The following CADM2 variants were observed in gnomAD, a reference collection of about 807,000 sequenced individuals.
CADM2 encodes cell adhesion molecule 2, also known as immunoglobulin superfamily member 4D.
Under a neutral mutation model 49.8 loss-of-function variants are expected in CADM2, and 12 were observed. That is an observed-to-expected ratio of 0.24 (90% confidence interval 0.15 to 0.39). CADM2 has a LOEUF of 0.39. Ranked by LOEUF, CADM2 falls within the 10% of genes least tolerant of loss-of-function variation. The probability of loss-of-function intolerance (pLI) is 1.00; values close to 1 mark genes in which losing one functional copy is unlikely to be tolerated. For synonymous variants in CADM2, 214 were observed against 175.4 expected (o/e 1.22, Z -1.74); for missense variants, 378 against 492.3 (o/e 0.77, Z 2.20).
intron 1 of CADM2, among the ~76,000 whole-genome samples, chr3:85,544,821 CAAA>C (rs200635237): frequency 3.2e-5 from 3 of 94,762 alleles, no homozygotes; most frequent in Admixed American, 2.4e-4. Context: ...TACATGTGTT[CAAA>C]AAAAAAGAAA....
chr3:85,985,010 A>G (rs1577865355), intron 8 of CADM2, among the ~76,000 whole-genome samples: 1 of 152,026 alleles, frequency 6.6e-6, no homozygotes, highest in East Asian at 1.9e-4. Flanking sequence ...AACTAGAGTT[A>G]TATTGACAAA....
chr3:85,762,091 C>T (rs575131782), intron 2 of CADM2, among the ~76,000 whole-genome samples: 7 of 152,174 alleles, frequency 4.6e-5, no homozygotes, highest in African/African-American at 1.7e-4. Context: ...ATCACTAGGT[C>T]AAACTTGAAA....
intron 1 of CADM2, among the ~76,000 whole-genome samples, chr3:85,493,704 A>C (rs892850343): frequency 1.3e-5 from 2 of 152,138 alleles, no homozygotes; most frequent in African/African-American, 4.8e-5. Flanking sequence ...TCTGTTACTC[A>C]CCTGTTGGGA....
At chr3:85,444,099 A>G (rs1441231656) in intron 1 of CADM2, among the ~76,000 whole-genome samples, 1 of 152,050 alleles carries the variant, frequency 6.6e-6, no homozygotes, top group Non-Finnish European at 1.5e-5. Context: ...AAGAAATCTT[A>G]TTGGCTCTGC....
intron 1 of CADM2, among the ~76,000 whole-genome samples, chr3:85,331,564 T>G (rs1234399830): frequency 1.3e-5 from 2 of 151,686 alleles, no homozygotes; most frequent in African/African-American, 4.8e-5. Flanking sequence ...AGAAAAATAA[T>G]AAGTATTTGA....
chr3:85,143,320 A>G (rs188779412), intron 1 of CADM2, among the ~76,000 whole-genome samples: 1 of 152,166 alleles, frequency 6.6e-6, no homozygotes, highest in Admixed American at 6.5e-5. Flanking sequence ...CTGCTTCTAC[A>G]AAAAATAAAA....
At chr3:85,709,040 G>T (rs1353956676) in intron 1 of CADM2, among the ~76,000 whole-genome samples, 1 of 151,478 alleles carries the variant, frequency 6.6e-6, no homozygotes, top group African/African-American at 2.4e-5. Context: ...TTCTCTTTTA[G>T]TCAGTGAGAA....
rs539945023 is a variant in CADM2 at position 85,615,129 on chromosome 3, A to G, written c.62-111393A>G. ...TTCTCATACTCTTTATTTATTTATAATTTCATATTTGCTATTTGTTTACTC... is the reference window on the plus strand; with the variant it reads ...TTCTCATACTCTTTATTTATTTATAGTTTCATATTTGCTATTTGTTTACTC... On this transcript the variant is annotated intron_variant, in intron 1 of 9. Coordinates refer to ENST00000383699, the MANE Select transcript of CADM2 (RefSeq NM_001167675.2). Among the ~76,000 whole-genome samples, 3 of 151,668 alleles carry G rather than the reference A, an allele frequency of 2.0e-5. No homozygotes were observed. In the East Asian group the frequency reaches 5.8e-4, roughly 29 times the overall value.
In CADM2 at chr3:86,072,917, A is replaced by G. The variant is rs1216793032; in HGVS notation, c.*6134A>G. The stretch of plus-strand genomic sequence containing the variant: ...TAGTACTCTTTCTCCTTATAAATGT[A>G]CACAATTTTAATCTTTTTACAAATT... On this transcript the variant is annotated 3_prime_UTR_variant, in exon 10 of 10. Coordinates refer to ENST00000383699, the MANE Select transcript of CADM2 (RefSeq NM_001167675.2). 6.6e-6 allele frequency: 1 copy of G among 152,134 alleles called. No individual in the cohort carries two copies. Among genetic ancestry groups the G allele is most frequent in the Non-Finnish European group, 1.5e-5 (1 of 67,994 alleles). 9.4% of individuals were successfully genotyped at this position (152,134 alleles called of 1,614,324 possible). A position where few individuals can be genotyped will look rare whatever the true frequency, so the allele number is the denominator to read the frequency against.
rs889748906 is a variant in CADM2, at chr3:85,046,907, T to C, written c.61+87239T>C. Among the ~76,000 whole-genome samples, 10 of 152,230 alleles carry C rather than the reference T, an allele frequency of 6.6e-5. No individual in the cohort carries two copies. The East Asian group carries it at 1.4e-3, about 21-fold the overall frequency. The stretch of plus-strand genomic sequence containing the variant: ...CAGTGATCAATACACGTCATACATA[T>C]AGGTGAGAATTTTTTATGACTCCAG... On this transcript the variant is annotated intron_variant, in intron 1 of 9. Coordinates refer to ENST00000383699, the MANE Select transcript of CADM2 (RefSeq NM_001167675.2).
At chr3:85,918,966 A>G (rs1480883622) in intron 6 of CADM2, among the ~76,000 whole-genome samples, 1 of 152,074 alleles carries the variant, frequency 6.6e-6, no homozygotes, top group African/African-American at 2.4e-5. Context: ...AAAATGACTG[A>G]ATATTCATTT....
At chr3:85,979,648 A>C (rs943448857) in intron 8 of CADM2, among the ~76,000 whole-genome samples, 4 of 151,644 alleles carry the variant, frequency 2.6e-5, no homozygotes, top group Non-Finnish European at 5.9e-5. Flanking sequence ...ACTTTTTTAA[A>C]ATTCTAGTTT....
chr3:85,598,207 G>A (rs1654754238), intron 1 of CADM2, among the ~76,000 whole-genome samples: 1 of 151,812 alleles, frequency 6.6e-6, no homozygotes, highest in Admixed American at 6.6e-5. Flanking sequence ...TTTTGAAAAA[G>A]CATTTACAAA....
intron 1 of CADM2, among the ~76,000 whole-genome samples, chr3:84,963,663 C>T (rs1439999372): frequency 6.6e-6 from 1 of 152,016 alleles, no homozygotes; most frequent in Non-Finnish European, 1.5e-5. Context: ...TTTGAATATA[C>T]ATTCAAATTA....
intron 1 of CADM2, among the ~76,000 whole-genome samples, chr3:85,583,980 C>A (rs935345374): frequency 5.9e-5 from 9 of 151,886 alleles, no homozygotes; most frequent in African/African-American, 1.9e-4. Context: ...GATTACTTAG[C>A]CTGTTCATGA....
rs1478324038 is a variant in CADM2 at position 86,066,816 on chromosome 3, G to A, written c.*33G>A. On this transcript the variant is annotated 3_prime_UTR_variant, in exon 10 of 10. Coordinates refer to ENST00000383699, the MANE Select transcript of CADM2 (RefSeq NM_001167675.2). The stretch of plus-strand genomic sequence containing the variant: ...GCCAAGATTCTGAGTTTTACTACCA[G>A]GCTGAATGCTGGAGAAAACTGGCTA... 1 of 1,433,798 alleles carries A rather than the reference G, an allele frequency of 7.0e-7. No individual in the cohort carries two copies. The highest frequency in any genetic ancestry group is 9.8e-7 in the Non-Finnish European group (1 of 1,017,242). 88.8% of individuals were successfully genotyped at this position (1,433,798 alleles called of 1,614,324 possible). A position where few individuals can be genotyped will look rare whatever the true frequency, so the allele number is the denominator to read the frequency against.
At chr3:85,750,946 T>C (rs1438486006) in intron 2 of CADM2, among the ~76,000 whole-genome samples, 1 of 151,934 alleles carries the variant, frequency 6.6e-6, no homozygotes, top group Non-Finnish European at 1.5e-5. Flanking sequence ...CATTACAAAA[T>C]TACATATAAT....
intron 1 of CADM2, among the ~76,000 whole-genome samples, chr3:85,378,918 A>G (rs1249025202): frequency 6.6e-6 from 1 of 151,936 alleles, no homozygotes; most frequent in Non-Finnish European, 1.5e-5. Flanking sequence ...AGTGACAAAA[A>G]CCCAAATAAA....
chr3:85,666,937 A>G (rs941984401), intron 1 of CADM2, among the ~76,000 whole-genome samples: 5 of 151,976 alleles, frequency 3.3e-5, no homozygotes, highest in Non-Finnish European at 7.4e-5. Context: ...CTAAAATAAA[A>G]CTCTAAAATT....
Sources: gnomAD v4.1 joint callset for allele counts (sites outside exome capture counted in the v4.1 genomes callset) on GRCh38, gnomAD v4.1.1 for gene constraint, MANE v1.5 for transcripts, NCBI Gene and HGNC (gene_info 2026-07-23, HGNC 2026-07-21) for gene names.